GALNT17: variants seen among roughly 807,000 people sequenced by gnomAD.
The protein encoded by GALNT17 is polypeptide N-acetylgalactosaminyltransferase 17, also known as UDP-GalNAc:polypeptide N-acetylgalactosaminyltransferase-like 3.
Under a neutral mutation model 63.7 loss-of-function variants are expected in GALNT17, and 29 were observed. That is an observed-to-expected ratio of 0.46 (90% CI 0.34 to 0.62). GALNT17 has a LOEUF of 0.62. GALNT17 is among the 20% of genes least tolerant of loss of function. The pLI, the probability that GALNT17 is intolerant of heterozygous loss-of-function variation, is 0.01. For missense variants in GALNT17, 603 were observed against 799.6 expected (o/e 0.75, Z 2.97); for synonymous variants, 305 against 318.3 (o/e 0.96, Z 0.45).
chr7:71,133,304 G>T (rs988601478), intron 1 of GALNT17, among the ~76,000 whole-genome samples: 7 of 152,152 alleles, frequency 4.6e-5, no homozygotes, highest in Non-Finnish European at 8.8e-5. Context: ...CCCGGTCCCC[G>T]CGTGCGGACT....
intron 6 of GALNT17, among the ~76,000 whole-genome samples, chr7:71,610,270 C>T (rs374819551): frequency 6.6e-6 from 1 of 152,038 alleles, no homozygotes; most frequent in South Asian, 2.1e-4. Flanking sequence ...GTAGGAGGAC[C>T]GCTTGAGGTC....
At chr7:71,142,383 TC>T (rs1787931443) in intron 1 of GALNT17, among the ~76,000 whole-genome samples, 1 of 152,194 alleles carries the variant, frequency 6.6e-6, no homozygotes, top group African/African-American at 2.4e-5. Flanking sequence ...TCTCCTGCCA[TC>T]CCCTGCTCCT....
intron 6 of GALNT17, among the ~76,000 whole-genome samples, chr7:71,634,072 T>C (rs974012588): frequency 6.6e-6 from 1 of 152,202 alleles, no homozygotes; most frequent in African/African-American, 2.4e-5. Flanking sequence ...GGCAGTGACA[T>C]CTCTCAAATA....
intron 2 of GALNT17, among the ~76,000 whole-genome samples, chr7:71,387,418 C>T (rs887597058): frequency 4.0e-5 from 6 of 151,654 alleles, no homozygotes; most frequent in Admixed American, 1.3e-4. Context: ...CTTGACCTCC[C>T]GGGCTCAAGT....
intron 6 of GALNT17, among the ~76,000 whole-genome samples, chr7:71,654,466 A>G (rs1322392258): frequency 2.6e-5 from 4 of 152,218 alleles, no homozygotes; most frequent in Non-Finnish European, 4.4e-5. Flanking sequence ...TTAGATCCCA[A>G]TGTTCCTGTA....
At chr7:71,351,801 C>T (rs144906717) in intron 2 of GALNT17, among the ~76,000 whole-genome samples, 2 of 152,126 alleles carry the variant, frequency 1.3e-5, no homozygotes, top group Non-Finnish European at 2.9e-5. Context: ...TTTGCTATGG[C>T]AGCCTAGGGA....
At chr7:71,140,460 T>C (rs958714969) in intron 1 of GALNT17, among the ~76,000 whole-genome samples, 1 of 152,016 alleles carries the variant, frequency 6.6e-6, no homozygotes, top group Non-Finnish European at 1.5e-5. Flanking sequence ...GGCAGGTGAG[T>C]GTGGTGGGCA....
At chr7:71,632,462 G>A (rs950385428) in intron 6 of GALNT17, among the ~76,000 whole-genome samples, 4 of 152,224 alleles carry the variant, frequency 2.6e-5, no homozygotes, top group African/African-American at 9.6e-5. Flanking sequence ...GATGGGGTGA[G>A]AGTGTCCATG....
chr7:71,375,995 G>C (rs535634086), intron 2 of GALNT17, among the ~76,000 whole-genome samples: 1 of 151,980 alleles, frequency 6.6e-6, no homozygotes, highest in Non-Finnish European at 1.5e-5. Flanking sequence ...AGGATAATCA[G>C]TTGAACCTGG....
chr7:71,320,826 T>A (rs1791592426), intron 1 of GALNT17, among the ~76,000 whole-genome samples: 1 of 152,208 alleles, frequency 6.6e-6, no homozygotes, highest in South Asian at 2.1e-4. Context: ...TTCCTTATCC[T>A]TCTGATTTCA....
intron 6 of GALNT17, among the ~76,000 whole-genome samples, chr7:71,645,242 G>T (rs536664156): frequency 6.6e-6 from 1 of 152,180 alleles, no homozygotes; most frequent in Non-Finnish European, 1.5e-5. Context: ...TCCACAGATG[G>T]TGATATGGTT....
chr7:71,688,874 A>T (rs769779570), intron 9 of GALNT17, among the ~76,000 whole-genome samples: 1 of 152,032 alleles, frequency 6.6e-6, no homozygotes, highest in Non-Finnish European at 1.5e-5. Context: ...TAGATGTTGC[A>T]TTTTTTCACA....
intron 5 of GALNT17, among the ~76,000 whole-genome samples, chr7:71,508,221 A>C (rs1788297719): frequency 6.6e-6 from 1 of 152,214 alleles, no homozygotes; most frequent in African/African-American, 2.4e-5. Context: ...AGGCGAGGCA[A>C]GAAATAAACG....
chr7:71,567,705 C>T (rs1286937981), intron 5 of GALNT17, among the ~76,000 whole-genome samples: 6 of 152,166 alleles, frequency 3.9e-5, no homozygotes, highest in Non-Finnish European at 5.9e-5. Flanking sequence ...CCTTGTGATC[C>T]GCCCACTTCA....
intron 1 of GALNT17, among the ~76,000 whole-genome samples, chr7:71,301,362 T>C (rs1365493198): frequency 6.8e-6 from 1 of 147,408 alleles, no homozygotes; most frequent in African/African-American, 2.5e-5. Flanking sequence ...ATATTTAATA[T>C]ATACTAATAA....
chr7:71,469,112 C>T (rs1207662887), intron 5 of GALNT17, among the ~76,000 whole-genome samples: 1 of 151,950 alleles, frequency 6.6e-6, no homozygotes, highest in Admixed American at 6.6e-5. Context: ...AGTGAAGGCA[C>T]AGCAGAGGAG....
intron 1 of GALNT17, among the ~76,000 whole-genome samples, chr7:71,296,742 T>C (rs1318670919): frequency 6.6e-6 from 1 of 152,084 alleles, no homozygotes; most frequent in Non-Finnish European, 1.5e-5. Context: ...AGGGTATATG[T>C]ATGTAAATAA....
chr7:71,311,833 G>A lies in GALNT17; in HGVS notation c.239-23717G>A, dbSNP rs191259121. Among the ~76,000 whole-genome samples, 4 of 152,326 alleles carry A rather than the reference G, an allele frequency of 2.6e-5. No homozygotes were observed. In the East Asian group the frequency reaches 5.8e-4, roughly 22 times the overall value. ...GCTAAGAAGGATTTTGGTGATTGCT[G>A]AGATGCAAGGAACATTAGCCTAGCA... is the stretch of plus-strand genomic sequence containing the variant. On this transcript the variant is annotated intron_variant, in intron 1 of 10. Transcript: ENST00000333538.
chr7:71,199,914 CTCT>C (rs1194281578), intron 1 of GALNT17, among the ~76,000 whole-genome samples: 1 of 152,148 alleles, frequency 6.6e-6, no homozygotes, highest in African/African-American at 2.4e-5. Flanking sequence ...ATAGAACCTC[CTCT>C]TTTTTGTCTT....
Sources: gnomAD v4.1 joint callset for allele counts (sites outside exome capture counted in the v4.1 genomes callset) on GRCh38, gnomAD v4.1.1 for gene constraint, MANE v1.5 for transcripts, NCBI Gene and HGNC (gene_info 2026-07-23, HGNC 2026-07-21) for gene names.